The following VWA8 variants were observed in gnomAD, a reference collection of about 807,000 sequenced individuals.
VWA8 encodes the protein von Willebrand factor A domain-containing protein 8.
VWA8 carries 221 observed loss-of-function variants against 241.5 expected under a neutral mutation model. The observed-to-expected ratio is 0.91, with a 90% CI of 0.82 to 1.02. VWA8 has a LOEUF of 1.02. Ranked by LOEUF, VWA8 falls within the 50% of genes least tolerant of loss-of-function variation. The probability of loss-of-function intolerance (pLI) is 0.00; values close to 1 mark genes in which losing one functional copy is unlikely to be tolerated. For missense variants in VWA8, 2,322 were observed against 2,328.7 expected (o/e 1.00, Z 0.06); for synonymous variants, 852 against 827.1 (o/e 1.03, Z -0.52).
intron 26 of VWA8, among the ~76,000 whole-genome samples, chr13:41,705,626 G>A (rs1046752670): frequency 5.9e-5 from 9 of 152,070 alleles, no homozygotes; most frequent in African/African-American, 9.7e-5. Context: ...ATATAAACTC[G>A]GGAAGGGGAA....
chr13:41,644,350 A>G (rs1427902394), intron 37 of VWA8, among the ~76,000 whole-genome samples: 1 of 152,076 alleles, frequency 6.6e-6, no homozygotes, highest in Non-Finnish European at 1.5e-5. Context: ...TTAAATATAT[A>G]TTTTGTCTAG....
chr13:41,637,601 GAAC>G (rs923608165), intron 37 of VWA8, among the ~76,000 whole-genome samples: 1 of 151,544 alleles, frequency 6.6e-6, no homozygotes, highest in Non-Finnish European at 1.5e-5. Flanking sequence ...AATAAAAAAA[GAAC>G]ATCAGGAAGA....
chr13:41,760,988 G>A (rs1235585496), intron 21 of VWA8, 140 bp downstream of exon 21: 2 of 815,614 alleles, frequency 2.5e-6, no homozygotes, highest in Middle Eastern at 2.4e-4. Context: ...CTTTAAAGGA[G>A]AGAAGAGATA....
rs753795785 is a variant in VWA8, at chr13:41,816,754, C to T, written c.1891G>A (p.Ala631Thr). ...GTAAATGATAATAACTTATCCAGAG[C>T]TTCCTGAGGTACATTTGGGACCTAT... is the stretch of plus-strand genomic sequence containing the variant. ...KEKVPNVPQE[A>T]LDKLLSFTHK... The change falls in exon 16 of 45, where the codon GCT (alanine) becomes ACT (threonine). Residue 631 changes from alanine to threonine, a missense_variant. By Grantham distance (58) the Ala-to-Thr change is moderately conservative. Coordinates refer to ENST00000379310, the MANE Select transcript of VWA8 (RefSeq NM_015058.2). 1 of 1,613,498 alleles carries T rather than the reference C, an allele frequency of 6.2e-7. No individual in the cohort carries two copies. The highest frequency in any genetic ancestry group is 1.7e-5 in the Admixed American group (1 of 59,984).
At chr13:41,799,325 G>A (rs1483182555) in intron 17 of VWA8, among the ~76,000 whole-genome samples, 1 of 152,180 alleles carries the variant, frequency 6.6e-6, no homozygotes, top group Non-Finnish European at 1.5e-5. Flanking sequence ...GTAACTAAAT[G>A]ATCCCGGATA....
At chr13:41,728,349 A>G (rs1212491743) in intron 23 of VWA8, among the ~76,000 whole-genome samples, 1 of 152,122 alleles carries the variant, frequency 6.6e-6, no homozygotes, top group Non-Finnish European at 1.5e-5. Flanking sequence ...AAGTAAAGAA[A>G]ATGAAAAATA....
At chr13:41,823,672 G>A (rs376144660) in intron 14 of VWA8, among the ~76,000 whole-genome samples, 1 of 152,092 alleles carries the variant, frequency 6.6e-6, no homozygotes, top group African/African-American at 2.4e-5. Flanking sequence ...TAACCACCAC[G>A]TCCACAGCAT....
chr13:41,752,481 C>T (rs1391489504), intron 21 of VWA8, among the ~76,000 whole-genome samples: 4 of 152,144 alleles, frequency 2.6e-5, no homozygotes, highest in Non-Finnish European at 4.4e-5. Context: ...ATCATCTATA[C>T]GTCATCCAGT....
intron 8 of VWA8, among the ~76,000 whole-genome samples, chr13:41,884,537 T>A (rs1354904580): frequency 6.7e-6 from 1 of 150,190 alleles, no homozygotes; most frequent in Admixed American, 6.6e-5. Flanking sequence ...CACACTGAAG[T>A]ATTTAAGAGT....
intron 22 of VWA8, among the ~76,000 whole-genome samples, chr13:41,731,708 G>C (rs764898158): frequency 2.0e-5 from 3 of 152,136 alleles, no homozygotes; most frequent in African/African-American, 4.8e-5. Flanking sequence ...CAGTGGGAGG[G>C]ACCCGGTGGG....
chr13:41,891,286 C>G, intron 5 of VWA8, 134 bp downstream of exon 5: 1 of 1,023,540 alleles, frequency 9.8e-7, no homozygotes, highest in South Asian at 1.7e-5. Flanking sequence ...AAATTCATGA[C>G]TCTAGCAATT....
At chr13:41,937,334 G>C (rs1877396488) in intron 2 of VWA8, among the ~76,000 whole-genome samples, 1 of 152,124 alleles carries the variant, frequency 6.6e-6, no homozygotes, top group Non-Finnish European at 1.5e-5. Context: ...GAATCAGTGG[G>C]AGCTCTGAGC....
At chr13:41,578,035 T>C (rs140582121) in intron 42 of VWA8, among the ~76,000 whole-genome samples, 29 of 152,332 alleles carry the variant, frequency 1.9e-4, no homozygotes, top group South Asian at 6.2e-4. Flanking sequence ...GTGACTGATA[T>C]ATCTATCTAC....
rs61752291 is a variant in VWA8, at chr13:41,868,433, C to G, written c.1125G>C (p.Glu375Asp). The G allele has an allele frequency of 1.9e-6, 3 of 1,614,076 alleles. No individual in the cohort carries two copies. Among genetic ancestry groups the G allele is most frequent in the Admixed American group, 1.7e-5 (1 of 60,018 alleles). Residue 375 changes from glutamate to aspartate, a missense_variant, in exon 10 of 45, where the codon GAG becomes GAC. Glu to Asp is a conservative substitution (Grantham distance 45). Transcript: ENST00000379310. ...QDSGSSLLPK[E>D]IVKVEKMMEN... ...CCATCATCTTCTCTACTTTTACAAT[C>G]TCTTTAGGAAGTAGAGAGCTTCCTG...
At chr13:41,842,537 A>C (rs1281931291) in intron 12 of VWA8, among the ~76,000 whole-genome samples, 1 of 152,198 alleles carries the variant, frequency 6.6e-6, no homozygotes, top group Non-Finnish European at 1.5e-5. Context: ...TTTCAAGATG[A>C]TCTGCTTTAG....
chr13:41,807,842 T>C (rs1353970239), intron 17 of VWA8: 1 of 152,128 alleles, frequency 6.6e-6, no homozygotes, highest in East Asian at 1.9e-4. Flanking sequence ...AACCACCAGG[T>C]TGCCTAAGGA....
In VWA8 at chr13:41,961,022, G is replaced by T. The variant is rs760911329; in HGVS notation, c.-7C>A. 2.1e-5 allele frequency: 28 copies of T among 1,360,044 alleles called. No homozygotes were observed. The East Asian group carries it at 7.4e-4, about 36-fold the overall frequency. 84.2% of individuals were successfully genotyped at this position (1,360,044 alleles called of 1,614,324 possible). A position where few individuals can be genotyped will look rare whatever the true frequency, so the allele number is the denominator to read the frequency against. Reference sequence around the variant, plus strand: ...GTAGAAGCCGGGATTGCATGGCGCCGGGGGGGCTGTCGGGGACGGCGAGGG... The same window carrying T: ...GTAGAAGCCGGGATTGCATGGCGCCTGGGGGGCTGTCGGGGACGGCGAGGG... On this transcript the variant is annotated 5_prime_UTR_variant, in exon 1 of 45. Coordinates refer to ENST00000379310, the MANE Select transcript of VWA8 (RefSeq NM_015058.2).
At chr13:41,615,969 A>C (rs2044618022) in intron 37 of VWA8, among the ~76,000 whole-genome samples, 1 of 152,246 alleles carries the variant, frequency 6.6e-6, no homozygotes, top group South Asian at 2.1e-4. Context: ...TCATTTGTTC[A>C]AATAAGACTT....
chr13:41,925,229 C>G (rs960353959), intron 2 of VWA8, among the ~76,000 whole-genome samples: 1 of 152,162 alleles, frequency 6.6e-6, no homozygotes. Flanking sequence ...GAGAATTCAT[C>G]ACCACTGGAC....
Sources: allele counts gnomAD v4.1 joint callset (sites outside exome capture counted in the v4.1 genomes callset), GRCh38; gene constraint gnomAD v4.1.1; transcripts MANE v1.5; gene names NCBI Gene and HGNC (gene_info 2026-07-23, HGNC 2026-07-21).